Variants in PDE1A observed in about 807,000 individuals in gnomAD.
The protein encoded by PDE1A is dual specificity calcium/calmodulin-dependent 3',5'-cyclic nucleotide phosphodiesterase 1A.
A neutral mutation model predicts 61.7 loss-of-function variants in PDE1A; 35 were observed. The ratio of observed to expected loss-of-function variants is 0.57; its 90% CI spans 0.43 to 0.75. The LOEUF is 0.75. Among genes scored for constraint, PDE1A ranks in the 30% least tolerant of loss-of-function variants. The probability of loss-of-function intolerance (pLI) is 0.00; values close to 1 mark genes in which losing one functional copy is unlikely to be tolerated. For synonymous variants in PDE1A, 232 were observed against 213.2 expected (o/e 1.09, Z -0.77); for missense variants, 597 against 630.6 (o/e 0.95, Z 0.57).
At chr2:182,598,369 C>T in the PDE1A span, among the ~76,000 whole-genome samples, 2 of 152,080 alleles carry the variant, frequency 1.3e-5, no homozygotes, top group African/African-American at 4.8e-5. Context: ...GCCAGGAGTT[C>T]AAGACCAGCC....
chr2:182,332,129 G>A (rs945201033), intron 1 of PDE1A, among the ~76,000 whole-genome samples: 16 of 151,178 alleles, frequency 1.1e-4, no homozygotes, highest in Admixed American at 8.6e-4. Context: ...CCTTTCTTCC[G>A]CTTCATCGAT....
the PDE1A span, among the ~76,000 whole-genome samples, chr2:182,601,474 G>A: frequency 6.6e-6 from 1 of 152,242 alleles, no homozygotes; most frequent in African/African-American, 2.4e-5. Context: ...TCAGCAATGT[G>A]GTGAGCAAGG....
intron 4 of PDE1A, among the ~76,000 whole-genome samples, chr2:182,233,604 G>A (rs1347079): frequency 0.72 from 109,457 of 152,002 alleles, 39,978 homozygotes; most frequent in African/African-American, 0.85. Context: ...AATCAACCCA[G>A]GATCTGCTGC....
At chr2:182,432,423 C>CTGTTGT (rs10649015) in intron 2 of PDE1A, among the ~76,000 whole-genome samples, 7,299 of 150,908 alleles carry the variant, frequency 0.048, 206 homozygotes, top group Middle Eastern at 0.1. Context: ...TTGAGCTTTG[C>CTGTTGT]TGTTGTTGTT....
chr2:182,591,221 A>G, the PDE1A span, among the ~76,000 whole-genome samples: 1 of 152,190 alleles, frequency 6.6e-6, no homozygotes, highest in African/African-American at 2.4e-5. Flanking sequence ...ATAGGTCTTC[A>G]TTCTCAAAAT....
chr2:182,662,566 T>A, the PDE1A span, among the ~76,000 whole-genome samples: 1 of 152,016 alleles, frequency 6.6e-6, no homozygotes, highest in Admixed American at 6.6e-5. Context: ...TTTGACAAAG[T>A]TGACAAAAAC....
In PDE1A at chr2:182,210,129, T is replaced by A. The variant is rs1017948682; in HGVS notation, c.777-4064A>T. Among the ~76,000 whole-genome samples, 7 of 152,316 alleles carry A rather than the reference T, an allele frequency of 4.6e-5. 1 individual carries two copies. Among genetic ancestry groups the A allele is most frequent in the Middle Eastern group, 6.8e-3 (2 of 294 alleles). On this transcript the variant is annotated intron_variant, in intron 7 of 13. Transcript: ENST00000351439. ...TCTGTGCTATAAGTTTTTGTGTGAA[T>A]GTGTTTGTAATTTTTTTGAGTAAAT... is the stretch of plus-strand genomic sequence containing the variant.
chr2:182,336,971 T>A (rs78232849), intron 1 of PDE1A, among the ~76,000 whole-genome samples: 1 of 24,378 alleles, frequency 4.1e-5, no homozygotes, highest in Non-Finnish European at 1.9e-4. Context: ...TTTTTTTTTT[T>A]TTTTTAAATA....
chr2:182,350,312 A>G (rs1294856933), intron 1 of PDE1A, among the ~76,000 whole-genome samples: 1 of 152,128 alleles, frequency 6.6e-6, no homozygotes. Context: ...GAGAGATGGA[A>G]CTTCTGTGAA....
chr2:182,264,254 A>G (rs1296560477), intron 2 of PDE1A, 47 bp downstream of exon 2: 1 of 1,295,414 alleles, frequency 7.7e-7, no homozygotes, highest in Non-Finnish European at 1.1e-6. Flanking sequence ...AGGAAGAAAA[A>G]CGGGAGAGAA....
chr2:182,361,642 T>C (rs1442361268), intron 1 of PDE1A, among the ~76,000 whole-genome samples: 1 of 152,100 alleles, frequency 6.6e-6, no homozygotes, highest in African/African-American at 2.4e-5. Context: ...ATGAGGAAAT[T>C]GATAGTAAAT....
At chr2:182,490,999 C>A (rs1050801410) in intron 2 of PDE1A, among the ~76,000 whole-genome samples, 13 of 152,156 alleles carry the variant, frequency 8.5e-5, no homozygotes, top group Middle Eastern at 6.8e-3. Flanking sequence ...TTTGAGGAGG[C>A]AGGAAAAGGC....
chr2:182,393,481 ATTAACAT>A (rs925726804), intron 1 of PDE1A, among the ~76,000 whole-genome samples: 1 of 151,894 alleles, frequency 6.6e-6, no homozygotes, highest in African/African-American at 2.4e-5. Context: ...TGCCTTGGTG[ATTAACAT>A]TTGGCTCCTC....
intron 7 of PDE1A, 50 bp from the exon 8 acceptor site, chr2:182,206,115 G>A: frequency 6.7e-7 from 1 of 1,486,526 alleles, no homozygotes; most frequent in Non-Finnish European, 9.2e-7. Context: ...TAGACATCAT[G>A]AATGTCTAAT....
At chr2:182,328,494 G>T (rs2124917816) in intron 1 of PDE1A, among the ~76,000 whole-genome samples, 1 of 152,012 alleles carries the variant, frequency 6.6e-6, no homozygotes. Context: ...CAGGGACATA[G>T]TAAAAAAAAG....
Position 182,345,310 on chromosome 2 carries a change from A to G in PDE1A, c.54-80896T>C, listed in dbSNP as rs575495117. Among the ~76,000 whole-genome samples the G allele has an allele frequency of 5.3e-5, 8 of 152,232 alleles. No individual in the cohort carries two copies. In the South Asian group the frequency reaches 1.5e-3, roughly 28 times the overall value. On this transcript the variant is annotated intron_variant, in intron 1 of 13. Coordinates refer to ENST00000351439, the Ensembl canonical transcript of PDE1A. ...TGTTCTTCAAGGTGCTAACCCACAC[A>G]CCTTTAAGTTATCCTTGCGTTATCT...
chr2:182,621,127 G>A, the PDE1A span, among the ~76,000 whole-genome samples: 5 of 152,114 alleles, frequency 3.3e-5, no homozygotes, highest in Admixed American at 6.6e-5. Context: ...CTGACACTCC[G>A]CCACATCCCA....
chr2:182,388,898 A>G (rs1423202774), intron 1 of PDE1A, among the ~76,000 whole-genome samples: 3 of 152,036 alleles, frequency 2.0e-5, no homozygotes. Context: ...CAACAAACCT[A>G]TAGCTAGACT....
the PDE1A span, among the ~76,000 whole-genome samples, chr2:182,692,441 T>C: frequency 1.3e-5 from 2 of 151,902 alleles, no homozygotes; most frequent in Non-Finnish European, 2.9e-5. Flanking sequence ...ACACCCCATG[T>C]TGTCACTCAT....
Sources: allele counts gnomAD v4.1 joint callset (sites outside exome capture counted in the v4.1 genomes callset), GRCh38; gene constraint gnomAD v4.1.1; transcripts MANE v1.5; gene names NCBI Gene and HGNC (gene_info 2026-07-23, HGNC 2026-07-21).